The following UNC13C variants were observed in gnomAD, a reference collection of about 807,000 sequenced individuals.
The protein encoded by UNC13C is protein unc-13 homolog C.
Under a neutral mutation model 245.4 loss-of-function variants are expected in UNC13C, and 174 were observed. That is an observed-to-expected ratio of 0.71 (90% CI 0.63 to 0.80). The LOEUF is 0.80. Among genes scored for constraint, UNC13C ranks in the 30% least tolerant of loss-of-function variants. UNC13C has a pLI of 0.00. For missense variants in UNC13C, 2,829 were observed against 2,602.9 expected (o/e 1.09, Z -1.89); for synonymous variants, 992 against 895.1 (o/e 1.11, Z -1.93).
chr15:53,871,796 G>C, the UNC13C span, among the ~76,000 whole-genome samples: 2 of 152,140 alleles, frequency 1.3e-5, no homozygotes, highest in African/African-American at 2.4e-5. Context: ...AAGTACTTAA[G>C]ATAGTCTGCT....
chr15:53,856,379 T>A, the UNC13C span, among the ~76,000 whole-genome samples: 3 of 151,766 alleles, frequency 2.0e-5, no homozygotes, highest in African/African-American at 4.8e-5. Flanking sequence ...CTAGTTTTTT[T>A]TTGTTGTTGT....
chr15:54,605,990 G>A (rs2141280430), intron 30 of UNC13C, among the ~76,000 whole-genome samples: 1 of 152,270 alleles, frequency 6.6e-6, no homozygotes, highest in South Asian at 2.1e-4. Context: ...AGAAGCCAAA[G>A]GCATCCGTGT....
intron 30 of UNC13C, among the ~76,000 whole-genome samples, chr15:54,591,051 A>T (rs533170132): frequency 5.3e-5 from 8 of 152,290 alleles, no homozygotes; most frequent in African/African-American, 1.9e-4. Flanking sequence ...TGAGATGATC[A>T]TGTGATTTGT....
At chr15:53,874,951 G>A in the UNC13C span, among the ~76,000 whole-genome samples, 23,912 of 152,012 alleles carry the variant, frequency 0.16, 2,437 homozygotes, top group African/African-American at 0.3. Context: ...AAAATTAGCC[G>A]GGTGTGGTGG....
chr15:54,594,049 G>A (rs967011629), intron 30 of UNC13C, among the ~76,000 whole-genome samples: 4 of 152,140 alleles, frequency 2.6e-5, no homozygotes, highest in African/African-American at 9.7e-5. Flanking sequence ...CCATTTTCCT[G>A]TGGATGTGGC....
chr15:54,436,917 TG>T (rs2140984216), intron 19 of UNC13C, among the ~76,000 whole-genome samples: 1 of 152,096 alleles, frequency 6.6e-6, no homozygotes, highest in Non-Finnish European at 1.5e-5. Context: ...AATTTTTTAA[TG>T]AAAAAATTAT....
intron 30 of UNC13C, among the ~76,000 whole-genome samples, chr15:54,616,556 C>A (rs918520567): frequency 6.6e-6 from 1 of 151,662 alleles, no homozygotes; most frequent in East Asian, 1.9e-4. Flanking sequence ...TTATTAACAA[C>A]AACAGCAACA....
chr15:54,409,872 T>A (rs1351807691), intron 18 of UNC13C, among the ~76,000 whole-genome samples: 1 of 152,136 alleles, frequency 6.6e-6, no homozygotes, highest in Non-Finnish European at 1.5e-5. Flanking sequence ...GTAGAGAGAT[T>A]TGTTTTGGTT....
intron 19 of UNC13C, among the ~76,000 whole-genome samples, chr15:54,441,819 G>A (rs1567274591): frequency 6.6e-6 from 1 of 151,880 alleles, no homozygotes; most frequent in Non-Finnish European, 1.5e-5. Flanking sequence ...TCTAATCCAT[G>A]AGCATAAGAT....
the UNC13C span, among the ~76,000 whole-genome samples, chr15:53,950,394 C>G: frequency 6.6e-6 from 1 of 150,608 alleles, no homozygotes; most frequent in Non-Finnish European, 1.5e-5. Context: ...TTTCTCTTTG[C>G]TTAGAAAAGT....
chr15:54,440,070 G>T (rs1890433069), intron 19 of UNC13C, among the ~76,000 whole-genome samples: 1 of 151,880 alleles, frequency 6.6e-6, no homozygotes, highest in South Asian at 2.1e-4. Flanking sequence ...ACGTTATTGG[G>T]TCATGGGGGG....
chr15:54,138,665 C>G (rs992620818), intron 2 of UNC13C, among the ~76,000 whole-genome samples: 3 of 151,978 alleles, frequency 2.0e-5, no homozygotes, highest in Non-Finnish European at 2.9e-5. Context: ...AATAATGAAA[C>G]AGTGCCAATC....
chr15:54,232,568 T>C (rs1389152591), intron 4 of UNC13C, among the ~76,000 whole-genome samples: 1 of 152,138 alleles, frequency 6.6e-6, no homozygotes, highest in Non-Finnish European at 1.5e-5. Flanking sequence ...GAAATAATGG[T>C]TACTGATAAA....
chr15:54,404,274 G>A (rs1357986364), intron 18 of UNC13C, among the ~76,000 whole-genome samples: 1 of 152,020 alleles, frequency 6.6e-6, no homozygotes, highest in Non-Finnish European at 1.5e-5. Flanking sequence ...CTCATTTAAT[G>A]GATTCTAATT....
chr15:54,094,528 G>A (rs954325266), intron 2 of UNC13C, among the ~76,000 whole-genome samples: 2 of 152,242 alleles, frequency 1.3e-5, no homozygotes, highest in African/African-American at 4.8e-5. Context: ...TAGACTCAAA[G>A]TGTAGAACTT....
At chr15:54,205,419 A>G (rs1434515242) in intron 4 of UNC13C, among the ~76,000 whole-genome samples, 1 of 152,030 alleles carries the variant, frequency 6.6e-6, no homozygotes, top group Non-Finnish European at 1.5e-5. Flanking sequence ...CAATTCTTCA[A>G]CTAATATCAG....
At position 54,322,101 on chromosome 15, in the gene UNC13C, T is replaced by A. The variant is rs1457361312; in HGVS notation, c.4425+6T>A. On this transcript the variant is annotated splice_donor_region_variant and intron_variant, in intron 14 of 32. Coordinates refer to ENST00000260323, the MANE Select transcript of UNC13C (RefSeq NM_001080534.3). ...TTGCTGCTACCAACTTTGGTGTAAG[T>A]ATAATTTTTTAAACTTTAAAATTCC... 6.5e-7 allele frequency: 1 copy of A among 1,544,698 alleles called. No individual in the cohort carries two copies. The highest frequency in any genetic ancestry group is 1.4e-5 in the African/African-American group (1 of 72,240).
the UNC13C span, among the ~76,000 whole-genome samples, chr15:53,864,420 A>G: frequency 1.3e-5 from 2 of 152,196 alleles, no homozygotes; most frequent in Admixed American, 6.5e-5. Flanking sequence ...TCTCAATCCC[A>G]TTCTTTCTCT....
intron 4 of UNC13C, among the ~76,000 whole-genome samples, chr15:54,173,938 A>G (rs1238373002): frequency 6.6e-6 from 1 of 152,238 alleles, no homozygotes. Context: ...TGCCATTTAT[A>G]TATCCATTGA....
Sources: gnomAD v4.1 joint callset for allele counts (sites outside exome capture counted in the v4.1 genomes callset) on GRCh38, gnomAD v4.1.1 for gene constraint, MANE v1.5 for transcripts, NCBI Gene and HGNC (gene_info 2026-07-23, HGNC 2026-07-21) for gene names.